Variants in NHSL1 observed in about 807,000 individuals in gnomAD.
NHSL1 encodes the protein NHS-like protein 1.
Under a neutral mutation model 95.0 loss-of-function variants are expected in NHSL1, and 48 were observed. The ratio of observed to expected loss-of-function variants is 0.51; its 90% CI spans 0.40 to 0.64. The LOEUF (loss-of-function observed/expected upper bound fraction) is 0.64. NHSL1 is among the 30% of genes least tolerant of loss of function. The pLI is 0.00. For missense variants in NHSL1, 1,971 were observed against 2,077.7 expected (o/e 0.95, Z 1.00); for synonymous variants, 783 against 833.9 (o/e 0.94, Z 1.05).
intron 1 of NHSL1, among the ~76,000 whole-genome samples, chr6:138,563,584 G>A (rs1018519366): frequency 6.6e-6 from 1 of 152,176 alleles, no homozygotes; most frequent in Non-Finnish European, 1.5e-5. Flanking sequence ...GATCGAATTT[G>A]TAGGCTTACA....
chr6:138,529,041 C>T (rs1383358658), intron 1 of NHSL1, among the ~76,000 whole-genome samples: 1 of 152,204 alleles, frequency 6.6e-6, no homozygotes, highest in Non-Finnish European at 1.5e-5. Flanking sequence ...AAACAATCTT[C>T]ATTCCTTGAA....
intron 1 of NHSL1, among the ~76,000 whole-genome samples, chr6:138,657,905 A>T (rs1352742667): frequency 6.6e-6 from 1 of 150,650 alleles, no homozygotes; most frequent in Admixed American, 6.6e-5. Flanking sequence ...TTAAGATATA[A>T]TTAAATATAA....
chr6:138,473,306 C>A lies in NHSL1; in HGVS notation c.339G>T (p.Lys113Asn). The A allele has an allele frequency of 6.5e-7, 1 of 1,540,118 alleles. No homozygotes were observed. Among genetic ancestry groups the A allele is most frequent in the South Asian group, 1.2e-5 (1 of 82,028 alleles). The stretch of plus-strand genomic sequence containing the variant: ...CCCCGTGTTGAACTTTGAAGCTTAC[C>A]TTTTGATCTGTTTCTTCATCTTCAT... ...YQDEDEETDQ[K>N]CSLSSSEEER... Residue 113 changes from lysine to asparagine, a missense_variant and splice_region_variant, in exon 3 of 8, where the codon AAG becomes AAT. Coordinates refer to ENST00000343505, the MANE Select transcript of NHSL1 (RefSeq NM_001144060.2).
chr6:138,605,278 T>C (rs1396172793), intron 1 of NHSL1, among the ~76,000 whole-genome samples: 1 of 152,168 alleles, frequency 6.6e-6, no homozygotes, highest in Non-Finnish European at 1.5e-5. Flanking sequence ...TAGGCTGGAG[T>C]GCAGTGGTAT....
chr6:138,433,687 A>C lies in NHSL1; in HGVS notation c.665-7T>G. On this transcript the variant is annotated splice_polypyrimidine_tract_variant and splice_region_variant and intron_variant, in intron 5 of 7. Coordinates refer to ENST00000343505, the MANE Select transcript of NHSL1 (RefSeq NM_001144060.2). ...TCTTGGCCAGTGCCTGATGCTGGAG[A>C]TAAAGCAGAAAGAGGCTTGTTACCT... 1 of 1,515,680 alleles carries C rather than the reference A, an allele frequency of 6.6e-7. No individual in the cohort carries two copies. The highest frequency in any genetic ancestry group is 8.9e-7 in the Non-Finnish European group (1 of 1,123,562). The allele number at this position is 1,515,680 out of a possible 1,614,324, so 93.9% of individuals were successfully genotyped here. A position where few individuals can be genotyped will look rare whatever the true frequency, so the allele number is the denominator to read the frequency against.
intron 1 of NHSL1, among the ~76,000 whole-genome samples, chr6:138,555,733 A>T (rs1783173815): frequency 1.3e-5 from 2 of 152,202 alleles, no homozygotes; most frequent in South Asian, 4.1e-4. Context: ...ATACAGAGTG[A>T]CTCAGACGCT....
intron 1 of NHSL1, among the ~76,000 whole-genome samples, chr6:138,537,503 T>C (rs1246878128): frequency 6.6e-6 from 1 of 152,222 alleles, no homozygotes; most frequent in Non-Finnish European, 1.5e-5. Flanking sequence ...CAGTCTTCAC[T>C]TTCAAAGACC....
At chr6:138,685,749 C>T (rs1043353556) in intron 1 of NHSL1, among the ~76,000 whole-genome samples, 3 of 151,082 alleles carry the variant, frequency 2.0e-5, no homozygotes, top group African/African-American at 7.4e-5. Context: ...GAGTTTATTT[C>T]AGACACAAAG....
At chr6:138,625,572 C>T (rs1007266970) in intron 1 of NHSL1, among the ~76,000 whole-genome samples, 17 of 150,452 alleles carry the variant, frequency 1.1e-4, no homozygotes, top group Admixed American at 4.7e-4. Context: ...TTTATATATT[C>T]TTGAAGAATA....
chr6:138,448,995 T>G (rs1401189552), intron 3 of NHSL1, among the ~76,000 whole-genome samples: 3 of 142,726 alleles, frequency 2.1e-5, no homozygotes, highest in African/African-American at 7.9e-5. Context: ...GAGGTTGCAG[T>G]GAGCCGAGAT....
At chr6:138,673,465 A>C (rs1785408401) in intron 1 of NHSL1, among the ~76,000 whole-genome samples, 2 of 151,972 alleles carry the variant, frequency 1.3e-5, no homozygotes, top group African/African-American at 4.8e-5. Context: ...GCTACAAAAA[A>C]AAAAACAAAA....
intron 1 of NHSL1, among the ~76,000 whole-genome samples, chr6:138,612,801 G>C (rs757489037): frequency 1.3e-5 from 2 of 152,204 alleles, no homozygotes; most frequent in Non-Finnish European, 2.9e-5. Flanking sequence ...GAGTGAGTTT[G>C]TGGAGTTTAA....
chr6:138,676,118 G>T (rs941802313), intron 1 of NHSL1, among the ~76,000 whole-genome samples: 2 of 152,018 alleles, frequency 1.3e-5, no homozygotes, highest in Non-Finnish European at 2.9e-5. Flanking sequence ...AGAGGAAAAT[G>T]ACATCAAAAT....
At chr6:138,683,889 C>T (rs1401002738) in intron 1 of NHSL1, among the ~76,000 whole-genome samples, 1 of 152,184 alleles carries the variant, frequency 6.6e-6, no homozygotes, top group Non-Finnish European at 1.5e-5. Flanking sequence ...GTCCAGCATT[C>T]GTCGACAGCA....
intron 5 of NHSL1, among the ~76,000 whole-genome samples, chr6:138,441,053 A>T (rs755901234): frequency 1.3e-5 from 2 of 152,236 alleles, no homozygotes; most frequent in Non-Finnish European, 2.9e-5. Context: ...CCAAGTACCA[A>T]GGGCCTCACA....
chr6:138,538,549 T>C (rs1035320944), intron 1 of NHSL1, among the ~76,000 whole-genome samples: 3 of 152,168 alleles, frequency 2.0e-5, no homozygotes, highest in Non-Finnish European at 4.4e-5. Flanking sequence ...TAAGTCACTG[T>C]TCATCCTCCC....
chr6:138,454,218 C>T (rs1164884209), intron 3 of NHSL1, among the ~76,000 whole-genome samples: 2 of 152,008 alleles, frequency 1.3e-5, no homozygotes, highest in African/African-American at 4.8e-5. Flanking sequence ...CGTGCATAAA[C>T]TTGCTTTGAC....
chr6:138,647,049 T>C (rs1229329516), intron 1 of NHSL1, among the ~76,000 whole-genome samples: 1 of 152,200 alleles, frequency 6.6e-6, no homozygotes, highest in Non-Finnish European at 1.5e-5. Flanking sequence ...ATCTTGGTCA[T>C]CATTTGCATC....
intron 1 of NHSL1, among the ~76,000 whole-genome samples, chr6:138,672,979 T>C (rs572462010): frequency 6.6e-6 from 1 of 152,256 alleles, no homozygotes; most frequent in East Asian, 1.9e-4. Flanking sequence ...ATCGCACCAC[T>C]GCACTCCAAT....
Sources: gnomAD v4.1 joint callset for allele counts (sites outside exome capture counted in the v4.1 genomes callset) on GRCh38, gnomAD v4.1.1 for gene constraint, MANE v1.5 for transcripts, NCBI Gene and HGNC (gene_info 2026-07-23, HGNC 2026-07-21) for gene names.